RFC3: variants seen among roughly 807,000 people sequenced by gnomAD.
RFC3 encodes the protein replication factor C subunit 3, also known as A1 38 kDa subunit.
A neutral mutation model predicts 45.1 loss-of-function variants in RFC3; 41 were observed. The ratio of observed to expected loss-of-function variants is 0.91; its 90% CI spans 0.71 to 1.18. RFC3 has a LOEUF of 1.18. Ranked by LOEUF, RFC3 falls within the 50% of genes most tolerant of loss-of-function variation. RFC3 has a pLI of 0.00. For missense variants in RFC3, 423 were observed against 428.1 expected (o/e 0.99, Z 0.10); for synonymous variants, 149 against 144.0 (o/e 1.03, Z -0.25).
Position 33,830,825 on chromosome 13 carries a change from T to G in RFC3, c.680T>G (p.Leu227Arg). 6.2e-7 allele frequency: 1 copy of G among 1,613,802 alleles called. No homozygotes were observed. The highest frequency in any genetic ancestry group is 8.5e-7 in the Non-Finnish European group (1 of 1,179,858). ...TCTTGTAGAAATCTCAGAAAAGCCC[T>G]GCTTATGTGTGAAGCCTGCAGAGTG... ...EKSCRNLRKALLMCEACRVQQ... is the reference protein window; with the variant it reads ...EKSCRNLRKARLMCEACRVQQ... Residue 227 changes from leucine to arginine, a missense_variant, in exon 6 of 9, where the codon CTG (leucine) becomes CGG (arginine). Leu to Arg is a moderately radical substitution (Grantham distance 102). Transcript: ENST00000380071.
At chr13:33,840,084 T>A (rs1322074199), downstream of RFC3, among the ~76,000 whole-genome samples, 1 of 152,214 alleles carries the variant, frequency 6.6e-6, no homozygotes, top group Non-Finnish European at 1.5e-5. Flanking sequence ...AGCGTCTTGG[T>A]GCGATTTGTG....
At position 33,896,094 on chromosome 13, in the gene RFC3, A is replaced by G. The variant is rs2082596245; in HGVS notation, c.879+60877A>G. Among the ~76,000 whole-genome samples the G allele has an allele frequency of 2.6e-5, 4 of 151,932 alleles. No individual in the cohort carries two copies. In the South Asian group the frequency reaches 8.3e-4, roughly 32 times the overall value. ...AGGTGACAGGTTCACTTTAATCTCT[A>G]ACTTCGCCACTGTACAATTTGTTTG... On this transcript the variant is annotated intron_variant, in intron 8 of 8. Coordinates refer to the RFC3 transcript ENST00000434425.
chr13:33,857,431 G>T (rs1302097448), intron 8 of RFC3, among the ~76,000 whole-genome samples: 1 of 152,126 alleles, frequency 6.6e-6, no homozygotes, highest in Non-Finnish European at 1.5e-5. Flanking sequence ...GGAACCTCAA[G>T]GAAACACAAG....
downstream of RFC3, among the ~76,000 whole-genome samples, chr13:33,968,102 T>C (rs888520129): frequency 1.3e-5 from 2 of 152,184 alleles, no homozygotes; most frequent in Non-Finnish European, 2.9e-5. Flanking sequence ...ACCTTACCTC[T>C]CTAAAGCCAG....
chr13:33,898,216 A>G (rs9570555), intron 8 of RFC3, among the ~76,000 whole-genome samples: 13,396 of 152,098 alleles, frequency 0.088, 1,051 homozygotes, highest in African/African-American at 0.21. Context: ...CATCTTATTC[A>G]TCAGCACATA....
intron 8 of RFC3, among the ~76,000 whole-genome samples, chr13:33,936,121 A>G (rs1346683517): frequency 6.6e-6 from 1 of 152,122 alleles, no homozygotes; most frequent in Non-Finnish European, 1.5e-5. Context: ...AGAAGCAGAA[A>G]GCCTTGGTCT....
intron 8 of RFC3, among the ~76,000 whole-genome samples, chr13:33,917,827 C>T (rs983055194): frequency 2.0e-5 from 3 of 151,864 alleles, no homozygotes; most frequent in Admixed American, 2.0e-4. Context: ...GCTTTCAGAG[C>T]ACACAGACAA....
intron 8 of RFC3, among the ~76,000 whole-genome samples, chr13:33,900,869 T>A (rs2082636761): frequency 1.3e-5 from 2 of 151,000 alleles, no homozygotes; most frequent in African/African-American, 4.9e-5. Flanking sequence ...ATAATCCAAT[T>A]GAAAATGGAC....
rs144115254 is a variant in RFC3 at position 33,936,557 on chromosome 13, A to C, written c.880-29530A>C. Among the ~76,000 whole-genome samples, 104 of 152,290 alleles carry C rather than the reference A, an allele frequency of 6.8e-4. 1 individual carries two copies. Among genetic ancestry groups the C allele is most frequent in the African/African-American group, 2.4e-3 (98 of 41,572 alleles). On this transcript the variant is annotated intron_variant, in intron 8 of 8. Coordinates refer to the RFC3 transcript ENST00000434425. ...AAAAAAGGGGAAAATTTGTCCATAG[A>C]GTTGGAAGCACACACAGGGAAAACA... is the stretch of plus-strand genomic sequence containing the variant.
At chr13:33,885,347 AC>A (rs2082513850) in intron 8 of RFC3, among the ~76,000 whole-genome samples, 1 of 151,954 alleles carries the variant, frequency 6.6e-6, no homozygotes, top group Non-Finnish European at 1.5e-5. Flanking sequence ...AAAAAAAAAA[AC>A]TGCGTAATTT....
intron 8 of RFC3, among the ~76,000 whole-genome samples, chr13:33,869,237 A>G (rs2082392555): frequency 6.6e-6 from 1 of 152,154 alleles, no homozygotes. Flanking sequence ...CCTTTTGGCA[A>G]ATGCCTTTTC....
At chr13:33,876,157 G>T (rs1354578076) in intron 8 of RFC3, among the ~76,000 whole-genome samples, 1 of 152,066 alleles carries the variant, frequency 6.6e-6, no homozygotes, top group Non-Finnish European at 1.5e-5. Context: ...ACCATGCCTG[G>T]AGTAAAGGAA....
Position 33,836,914 on chromosome 13 carries a change from TGAA to T in RFC3, c.*623_*625del. 2.0e-6 allele frequency: 2 copies of T among 984,920 alleles called. No homozygotes were observed. The highest frequency in any genetic ancestry group is 2.4e-6 in the Non-Finnish European group (2 of 829,510). 61.0% of individuals were successfully genotyped at this position (984,920 alleles called of 1,614,324 possible). On this transcript the variant is annotated 3_prime_UTR_variant, in exon 9 of 9. Transcript: ENST00000380071. Reference sequence around the variant, plus strand: ...CACTAATTTAAGTACTTGAGACTCTTGAAGAAAATTCAGAATGAAGTTCTGGAG... The same window carrying T: ...CACTAATTTAAGTACTTGAGACTCTTGAAAATTCAGAATGAAGTTCTGGAG...
downstream of RFC3, among the ~76,000 whole-genome samples, chr13:33,969,561 T>C (rs185269868): frequency 1.3e-5 from 2 of 152,304 alleles, no homozygotes; most frequent in East Asian, 3.9e-4. Flanking sequence ...CACCATTTTT[T>C]ACAGATTCAA....
At chr13:33,935,227 G>T (rs746297216) in intron 8 of RFC3, among the ~76,000 whole-genome samples, 9 of 151,970 alleles carry the variant, frequency 5.9e-5, no homozygotes, top group Non-Finnish European at 1.0e-4. Context: ...AACAACTGAG[G>T]TTTTAGAAAT....
intron 8 of RFC3, among the ~76,000 whole-genome samples, chr13:33,963,077 C>A (rs1356832513): frequency 1.3e-5 from 2 of 151,996 alleles, no homozygotes; most frequent in African/African-American, 4.8e-5. Context: ...CAGGTTACCA[C>A]TAAGTAGTGG....
intron 2 of RFC3, among the ~76,000 whole-genome samples, chr13:33,823,626 G>A (rs760127040): frequency 2.0e-5 from 3 of 152,058 alleles, no homozygotes; most frequent in Non-Finnish European, 4.4e-5. Context: ...GGAACAGATC[G>A]TTTGCAATGA....
At chr13:33,956,078 A>G (rs1235515273) in intron 8 of RFC3, among the ~76,000 whole-genome samples, 3 of 152,238 alleles carry the variant, frequency 2.0e-5, no homozygotes, top group Non-Finnish European at 4.4e-5. Context: ...ATTTGTTTGC[A>G]TTCAACTCTT....
At chr13:33,956,944 T>G (rs2083025809) in intron 8 of RFC3, among the ~76,000 whole-genome samples, 1 of 152,218 alleles carries the variant, frequency 6.6e-6, no homozygotes, top group Non-Finnish European at 1.5e-5. Flanking sequence ...TGTCTGTATA[T>G]ATCTATTTAT....
Sources: gnomAD v4.1 joint callset for allele counts (sites outside exome capture counted in the v4.1 genomes callset) on GRCh38, gnomAD v4.1.1 for gene constraint, MANE v1.5 for transcripts, NCBI Gene and HGNC (gene_info 2026-07-23, HGNC 2026-07-21) for gene names.